BRCA2: variants seen among roughly 807,000 people sequenced by gnomAD.
The protein encoded by BRCA2 is BRCA2 DNA repair associated, also known as breast cancer type 2 susceptibility protein.
In BRCA2, 203 loss-of-function variants were observed where a neutral mutation model predicts 276.7. That is an observed-to-expected ratio of 0.73 (90% CI 0.65 to 0.82). The LOEUF (loss-of-function observed/expected upper bound fraction) is 0.82, where lower values mean the gene tolerates loss of function less well. Ranked by LOEUF, BRCA2 falls within the 40% of genes least tolerant of loss-of-function variation. The pLI is 0.00. For synonymous variants in BRCA2, 1,289 were observed against 1,338.4 expected (o/e 0.96, Z 0.81); for missense variants, 3,920 against 3,915.0 (o/e 1.00, Z -0.03).
intron 24 of BRCA2, among the ~76,000 whole-genome samples, chr13:32,392,589 C>CA (rs10577567): frequency 2.8e-4 from 38 of 133,962 alleles, no homozygotes; most frequent in African/African-American, 8.2e-4. Context: ...GACTGCGTCT[C>CA]AAAAAAAAAA....
chr13:32,372,644 A>T (rs1018086251), intron 20 of BRCA2, among the ~76,000 whole-genome samples: 3 of 152,146 alleles, frequency 2.0e-5, no homozygotes, highest in Non-Finnish European at 2.9e-5. Flanking sequence ...ACAATTTGAG[A>T]TGAGATTTGG....
In BRCA2 at chr13:32,398,344, G is replaced by C. The variant is rs995227933; in HGVS notation, c.9831G>C (p.Leu3277=). 1.9e-6 allele frequency: 3 copies of C among 1,614,108 alleles called. No homozygotes were observed. In the Middle Eastern group the frequency reaches 4.9e-4, roughly 266 times the overall value. The change falls in exon 27 of 27, where the codon CTG becomes CTC. Residue 3277 remains leucine, a synonymous_variant. Transcript: ENST00000380152. ...KRRALDFLSR[L]PLPPPVSPIC... ...GAGCCTTGGATTTCTTGAGTAGACT[G>C]CCTTTACCTCCACCTGTTAGTCCCA...
At chr13:32,376,438 T>C (rs1229048179) in intron 20 of BRCA2, among the ~76,000 whole-genome samples, 1 of 151,754 alleles carries the variant, frequency 6.6e-6, no homozygotes, top group East Asian at 1.9e-4. Context: ...GGAGAACCAC[T>C]TGAACCCAGG....
intron 24 of BRCA2, among the ~76,000 whole-genome samples, chr13:32,393,584 C>T (rs902176061): frequency 2.0e-5 from 3 of 152,010 alleles, no homozygotes; most frequent in Non-Finnish European, 4.4e-5. Flanking sequence ...CAAGATGTTC[C>T]AAGTTCATCT....
intron 2 of BRCA2, among the ~76,000 whole-genome samples, chr13:32,317,557 G>A (rs895273808): frequency 2.0e-5 from 3 of 152,068 alleles, no homozygotes; most frequent in South Asian, 2.1e-4. Flanking sequence ...TTCCCATGTC[G>A]CAACATCATG....
In BRCA2 at chr13:32,385,488, G is replaced by A. The variant is rs1398105563; in HGVS notation, c.9256+5343G>A. 2 of 218,222 alleles carry A rather than the reference G, an allele frequency of 9.2e-6. 1 individual carries two copies. The highest frequency in any genetic ancestry group is 1.0e-3 in the Middle Eastern group (2 of 1,972). 13.5% of individuals were successfully genotyped at this position (218,222 alleles called of 1,614,324 possible). A position where few individuals can be genotyped will look rare whatever the true frequency, so the allele number is the denominator to read the frequency against. ...AAGACTTTGTGGATGAAGCTCTTGA[G>A]CTCTTAAAAACCTCCTTGCAGGCAA... On this transcript the variant is annotated intron_variant, in intron 24 of 26. Coordinates refer to ENST00000380152, the MANE Select transcript of BRCA2 (RefSeq NM_000059.4).
chr13:32,372,715 T>C (rs1415693568), intron 20 of BRCA2, among the ~76,000 whole-genome samples: 3 of 152,140 alleles, frequency 2.0e-5, no homozygotes, highest in Non-Finnish European at 4.4e-5. Flanking sequence ...CTCGTGTCCT[T>C]TTCACATTTC....
chr13:32,325,614 C>T (rs957722208), intron 4 of BRCA2, among the ~76,000 whole-genome samples: 1 of 149,754 alleles, frequency 6.7e-6, no homozygotes, highest in Non-Finnish European at 1.5e-5. Flanking sequence ...GATCTCAGCT[C>T]ACTGCAAGCT....
intron 18 of BRCA2, among the ~76,000 whole-genome samples, chr13:32,365,991 G>A (rs1265281409): frequency 6.6e-6 from 1 of 151,052 alleles, no homozygotes; most frequent in African/African-American, 2.4e-5. Flanking sequence ...TAACTTCTGG[G>A]ATGGTTTTTA....
chr13:32,333,906 A>T (rs962460897), intron 10 of BRCA2, among the ~76,000 whole-genome samples: 1 of 152,190 alleles, frequency 6.6e-6, no homozygotes, highest in African/African-American at 2.4e-5. Flanking sequence ...TTTGCTTAGG[A>T]TAATGGCTTC....
chr13:32,364,801 T>G (rs138813567), intron 18 of BRCA2, among the ~76,000 whole-genome samples: 83 of 152,286 alleles, frequency 5.5e-4, no homozygotes, highest in African/African-American at 1.8e-3. Context: ...CTTCATATGC[T>G]TACTCCATTC....
upstream of BRCA2, among the ~76,000 whole-genome samples, chr13:32,315,089 CTT>C (rs1252827512): frequency 6.6e-6 from 1 of 152,144 alleles, no homozygotes; most frequent in African/African-American, 2.4e-5. Flanking sequence ...CCACTCTAAG[CTT>C]TTGTAAGATC....
chr13:32,338,218 A>G lies in BRCA2; in HGVS notation c.3863A>G (p.Asn1288Ser), dbSNP rs80358630. 2.6e-6 allele frequency: 4 copies of G among 1,541,790 alleles called. No individual in the cohort carries two copies. The East Asian group carries it at 9.1e-5, about 35-fold the overall frequency. Reference sequence around the variant, plus strand: ...GATAAAACTGTAAGTGAAAAAAATAATAAATGCCAACTGATATTACAAAAT... The same window carrying G: ...GATAAAACTGTAAGTGAAAAAAATAGTAAATGCCAACTGATATTACAAAAT... Reference protein sequence around the residue: ...HNDKTVSEKNNKCQLILQNNI... With the variant: ...HNDKTVSEKNSKCQLILQNNI... Residue 1288 changes from asparagine (N) to serine (S), a missense_variant, in exon 11 of 27, where the codon AAT becomes AGT. Transcript: ENST00000380152.
intron 16 of BRCA2, among the ~76,000 whole-genome samples, chr13:32,361,246 C>T (rs2072735774): frequency 1.3e-5 from 2 of 152,108 alleles, no homozygotes; most frequent in African/African-American, 2.4e-5. Flanking sequence ...TAGAAAATGA[C>T]CAGCTGTGGA....
intron 2 of BRCA2, among the ~76,000 whole-genome samples, chr13:32,318,301 A>G (rs2072278121): frequency 6.6e-6 from 1 of 152,248 alleles, no homozygotes; most frequent in African/African-American, 2.4e-5. Context: ...ATAGCTCACA[A>G]TACAAATTTG....
rs80358716 is a variant in BRCA2 at position 32,339,270 on chromosome 13, G to A, written c.4915G>A (p.Val1639Ile). 3.1e-5 allele frequency: 50 copies of A among 1,610,544 alleles called. No individual in the cohort carries two copies. The highest frequency in any genetic ancestry group is 1.1e-4 in the East Asian group (5 of 44,868). Residue 1639 changes from valine to isoleucine, a missense_variant, in exon 11 of 27, where the codon GTA becomes ATA. Coordinates refer to ENST00000380152, the MANE Select transcript of BRCA2 (RefSeq NM_000059.4). ...AAAAAGTATCTTTTTGAAAGTTAAA[G>A]TACATGAAAATGTAGAAAAAGAAAC... ...TSKSIFLKVK[V>I]HENVEKETAK...
At chr13:32,319,602 A>C (rs973325808) in intron 3 of BRCA2, among the ~76,000 whole-genome samples, 1 of 152,298 alleles carries the variant, frequency 6.6e-6, no homozygotes, top group African/African-American at 2.4e-5. Flanking sequence ...TCTTATGCCA[A>C]AAAAACCTAG....
At position 32,336,905 on chromosome 13, in the gene BRCA2, A is replaced by G. The variant is rs80359785; in HGVS notation, c.2550A>G (p.Gln850=). ...TAGCATCACCTTCAAGAAAGGTACAATTCAACCAAAACACAAATCTAAGAG... is the reference window on the plus strand; with the variant it reads ...TAGCATCACCTTCAAGAAAGGTACAGTTCAACCAAAACACAAATCTAAGAG... ...MRVASPSRKV[Q]FNQNTNLRVI... The change falls in exon 11 of 27, where the codon CAA becomes CAG. Residue 850 remains glutamine (Q), a synonymous_variant. Coordinates refer to ENST00000380152, the MANE Select transcript of BRCA2 (RefSeq NM_000059.4). The G allele has an allele frequency of 6.7e-5, 108 of 1,608,234 alleles. No individual in the cohort carries two copies. In the East Asian group the frequency reaches 2.2e-3, roughly 33 times the overall value.
rs1566242753 is a variant in BRCA2, at chr13:32,357,804, T to G, written c.7680T>G (p.Phe2560Leu). 1.2e-6 allele frequency: 2 copies of G among 1,613,848 alleles called. No individual in the cohort carries two copies. ...TTAACAGCAAAAATGCAGAGTCTTT[T>G]CAGTTTCACACTGAAGATTATTTTG... Reference protein sequence around the residue: ...IKINSKNAESFQFHTEDYFGK... With the variant: ...IKINSKNAESLQFHTEDYFGK... Residue 2560 changes from phenylalanine to leucine, a missense_variant, in exon 16 of 27, where the codon TTT becomes TTG. Coordinates refer to ENST00000380152, the MANE Select transcript of BRCA2 (RefSeq NM_000059.4).
Sources: gnomAD v4.1 joint callset for allele counts (sites outside exome capture counted in the v4.1 genomes callset) on GRCh38, gnomAD v4.1.1 for gene constraint, MANE v1.5 for transcripts, NCBI Gene and HGNC (gene_info 2026-07-23, HGNC 2026-07-21) for gene names.